Variants in CEP112 observed in about 807,000 individuals in gnomAD.
CEP112 encodes centrosomal protein 112.
In CEP112, 127 loss-of-function variants were observed where a neutral mutation model predicts 153.0. That is an observed-to-expected ratio of 0.83 (90% CI 0.72 to 0.96). The LOEUF is 0.96. CEP112 is among the 40% of genes least tolerant of loss of function. The pLI is 0.00. For missense variants in CEP112, 1,089 were observed against 1,101.2 expected (o/e 0.99, Z 0.16); for synonymous variants, 358 against 374.4 (o/e 0.96, Z 0.51).
intron 24 of CEP112, among the ~76,000 whole-genome samples, chr17:65,680,405 G>A (rs901998715): frequency 5.3e-5 from 8 of 152,176 alleles, no homozygotes; most frequent in Non-Finnish European, 1.0e-4. Flanking sequence ...AGCAACTTTT[G>A]GAACTCTTCG....
At chr17:65,649,078 ACACACACACACACACACACACACACACAC>A (rs2045603606) in intron 24 of CEP112, among the ~76,000 whole-genome samples, 2 of 144,500 alleles carry the variant, frequency 1.4e-5, no homozygotes, top group African/African-American at 5.2e-5. Flanking sequence ...AAACAAACAC[ACACACACACACACACACACACACACACAC>A]ACACACACAC....
chr17:65,651,170 C>A (rs530676284), intron 24 of CEP112, among the ~76,000 whole-genome samples: 2 of 152,170 alleles, frequency 1.3e-5, no homozygotes, highest in Non-Finnish European at 2.9e-5. Context: ...CTCCCACTTA[C>A]GAGTGAGAAC....
At chr17:66,168,451 A>G (rs1287775291) in intron 4 of CEP112, among the ~76,000 whole-genome samples, 2 of 141,234 alleles carry the variant, frequency 1.4e-5, no homozygotes, top group Admixed American at 7.1e-5. Context: ...ATGTGTGTGT[A>G]TATATGTATA....
At chr17:65,681,482 T>C (rs1321200570) in intron 24 of CEP112, among the ~76,000 whole-genome samples, 1 of 151,166 alleles carries the variant, frequency 6.6e-6, no homozygotes, top group Non-Finnish European at 1.5e-5. Flanking sequence ...TCTTGACTTC[T>C]GGATTCAGAT....
intron 21 of CEP112, among the ~76,000 whole-genome samples, chr17:65,843,723 G>A (rs933321497): frequency 3.9e-5 from 6 of 152,092 alleles, no homozygotes; most frequent in South Asian, 2.1e-4. Context: ...TAAAATTACA[G>A]ACCAGGAACC....
intron 12 of CEP112, among the ~76,000 whole-genome samples, chr17:66,051,723 T>C (rs1269734478): frequency 6.6e-6 from 1 of 152,210 alleles, no homozygotes; most frequent in African/African-American, 2.4e-5. Context: ...CAGCTTTAAA[T>C]TCAAGAAAGT....
chr17:65,928,530 G>A (rs1192434692), intron 18 of CEP112, among the ~76,000 whole-genome samples: 1 of 152,084 alleles, frequency 6.6e-6, no homozygotes, highest in Admixed American at 6.6e-5. Context: ...ATATCCATCA[G>A]TTGATAAATG....
chr17:65,945,202 G>A (rs1192318976), intron 18 of CEP112, among the ~76,000 whole-genome samples: 5 of 152,326 alleles, frequency 3.3e-5, no homozygotes, highest in East Asian at 1.9e-4. Context: ...CATGTTATTA[G>A]GTAGATTTGT....
intron 4 of CEP112, among the ~76,000 whole-genome samples, chr17:66,141,337 T>C (rs573055026): frequency 5.3e-5 from 8 of 151,514 alleles, no homozygotes; most frequent in Admixed American, 5.2e-4. Flanking sequence ...ATATGAAATG[T>C]CTACTTGAAT....
chr17:65,746,908 G>C (rs2145205462), intron 22 of CEP112, among the ~76,000 whole-genome samples: 1 of 152,234 alleles, frequency 6.6e-6, no homozygotes, highest in Admixed American at 6.5e-5. Flanking sequence ...AAGCAGATTA[G>C]AGAATTTTCA....
chr17:66,042,104 T>C (rs2145843258), intron 12 of CEP112, among the ~76,000 whole-genome samples: 1 of 152,254 alleles, frequency 6.6e-6, no homozygotes, highest in East Asian at 1.9e-4. Flanking sequence ...ATCCCAGCAC[T>C]TTGGGAGACT....
intron 23 of CEP112, among the ~76,000 whole-genome samples, chr17:65,735,399 T>C (rs2145059886): frequency 6.6e-6 from 1 of 152,284 alleles, no homozygotes; most frequent in South Asian, 2.1e-4. Flanking sequence ...GCAGCAGAAG[T>C]GCTTCATGTG....
intron 12 of CEP112, 29 bp downstream of exon 12, chr17:66,053,707 A>T (rs745437069): frequency 6.3e-7 from 1 of 1,594,728 alleles, no homozygotes; most frequent in Non-Finnish European, 8.6e-7. Context: ...ACAGGTTCTA[A>T]GATGTCAAGA....
intron 21 of CEP112, among the ~76,000 whole-genome samples, chr17:65,793,190 T>C (rs2054699739): frequency 6.6e-6 from 1 of 152,190 alleles, no homozygotes; most frequent in East Asian, 1.9e-4. Context: ...CACTGAATAA[T>C]ATTCCATTGT....
chr17:65,700,050 G>T (rs1357483844), intron 23 of CEP112, among the ~76,000 whole-genome samples: 2 of 152,030 alleles, frequency 1.3e-5, no homozygotes, highest in African/African-American at 2.4e-5. Flanking sequence ...ACACCACCAT[G>T]TCATGCTGTC....
intron 4 of CEP112, among the ~76,000 whole-genome samples, chr17:66,149,219 C>T (rs1055358135): frequency 2.0e-5 from 3 of 152,164 alleles, no homozygotes; most frequent in Admixed American, 6.5e-5. Flanking sequence ...CTTTAATGTG[C>T]TGTTGAATTC....
chr17:65,952,557 A>G (rs2061870802), intron 18 of CEP112, among the ~76,000 whole-genome samples: 1 of 152,082 alleles, frequency 6.6e-6, no homozygotes, highest in African/African-American at 2.4e-5. Context: ...GCTTTTATGA[A>G]CAAATCTGCT....
At chr17:65,667,734 T>C (rs2046767233) in intron 24 of CEP112, among the ~76,000 whole-genome samples, 1 of 152,156 alleles carries the variant, frequency 6.6e-6, no homozygotes, top group Non-Finnish European at 1.5e-5. Context: ...CAGTTTGTGA[T>C]ATTTGTATAC....
At chr17:66,027,396 A>G in intron 16 of CEP112, 105 bp downstream of exon 16, 1 of 1,070,278 alleles carries the variant, frequency 9.3e-7, no homozygotes, top group Non-Finnish European at 1.2e-6. Context: ...ACAAAGAAAC[A>G]AGTTGTTCTT....
Sources: allele counts gnomAD v4.1 joint callset (sites outside exome capture counted in the v4.1 genomes callset), GRCh38; gene constraint gnomAD v4.1.1; transcripts MANE v1.5; gene names NCBI Gene and HGNC (gene_info 2026-07-23, HGNC 2026-07-21).